Variants in SLK observed in about 807,000 individuals in gnomAD.
The protein encoded by SLK is STE20 like kinase, also known as STE20-like serine/threonine-protein kinase.
In SLK, 67 loss-of-function variants were observed where a neutral mutation model predicts 147.7. The ratio of observed to expected loss-of-function variants is 0.45; its 90% CI spans 0.37 to 0.56. SLK has a LOEUF of 0.56. Among genes scored for constraint, SLK ranks in the 20% least tolerant of loss-of-function variants. SLK has a pLI of 0.00. For synonymous variants in SLK, 441 were observed against 475.0 expected (o/e 0.93, Z 0.93); for missense variants, 1,136 against 1,438.8 (o/e 0.79, Z 3.41).
chr10:104,023,177 T>C (rs1844557153), intron 18 of SLK, among the ~76,000 whole-genome samples: 1 of 152,222 alleles, frequency 6.6e-6, no homozygotes, highest in Non-Finnish European at 1.5e-5. Context: ...CACCTGGCTT[T>C]TGTGACACAG....
Position 104,026,633 on chromosome 10 carries a change from T to C in SLK, c.*913T>C, listed in dbSNP as rs1370458508. The C allele has an allele frequency of 3.3e-5, 5 of 152,228 alleles. No homozygotes were observed. The East Asian group carries it at 9.6e-4, about 29-fold the overall frequency. 9.4% of individuals were successfully genotyped at this position (152,228 alleles called of 1,614,324 possible). On this transcript the variant is annotated 3_prime_UTR_variant, in exon 19 of 19. Coordinates refer to ENST00000369755, the MANE Select transcript of SLK (RefSeq NM_014720.4). ...ATACCTGAGCTGGTTAAATGATTTCTCTCCATCTTAGCTAATTCTGTTTAA... is the reference window on the plus strand; with the variant it reads ...ATACCTGAGCTGGTTAAATGATTTCCCTCCATCTTAGCTAATTCTGTTTAA...
At chr10:104,006,428 C>G (rs1044052773) in intron 11 of SLK, among the ~76,000 whole-genome samples, 7 of 152,268 alleles carry the variant, frequency 4.6e-5, no homozygotes, top group Admixed American at 3.9e-4. Flanking sequence ...TGCCTTCAAA[C>G]CTAGCTGAGC....
Position 103,967,729 on chromosome 10 carries a change from CTG to C in SLK, c.-13_-12del, listed in dbSNP as rs1843734974. ...TTTTAGTCCTTAAGTGCAAGGAACT[CTG>C]TGTTGGGAGGAAAAATGTCCTTCTT... is the stretch of plus-strand genomic sequence containing the variant. On this transcript the variant is annotated 5_prime_UTR_variant, in exon 1 of 19. Coordinates refer to ENST00000369755, the MANE Select transcript of SLK (RefSeq NM_014720.4). 1 of 1,613,392 alleles carries C rather than the reference CTG, an allele frequency of 6.2e-7. No individual in the cohort carries two copies. The highest frequency in any genetic ancestry group is 8.5e-7 in the Non-Finnish European group (1 of 1,179,442).
At chr10:103,971,267 GTT>G (rs869224217) in intron 1 of SLK, among the ~76,000 whole-genome samples, 1 of 117,478 alleles carries the variant, frequency 8.5e-6, no homozygotes. Context: ...TGTTGTTGTT[GTT>G]TTGTTTGTGT....
intron 13 of SLK, among the ~76,000 whole-genome samples, chr10:104,011,247 C>T (rs1844396163): frequency 6.6e-6 from 1 of 152,060 alleles, no homozygotes; most frequent in Non-Finnish European, 1.5e-5. Flanking sequence ...ACTTTTAGGA[C>T]ATAAAAATAG....
chr10:103,984,455 C>T (rs1843986909), intron 1 of SLK, among the ~76,000 whole-genome samples: 1 of 152,170 alleles, frequency 6.6e-6, no homozygotes, highest in African/African-American at 2.4e-5. Flanking sequence ...AGTCTGTCAA[C>T]CATGCTGGAG....
At chr10:104,007,060 T>C (rs1308013042) in intron 11 of SLK, among the ~76,000 whole-genome samples, 1 of 152,102 alleles carries the variant, frequency 6.6e-6, no homozygotes, top group Non-Finnish European at 1.5e-5. Context: ...TCTGTTCCAA[T>C]AGAATAAGGT....
chr10:103,997,890 A>G (rs1171773732), intron 4 of SLK, among the ~76,000 whole-genome samples: 1 of 152,116 alleles, frequency 6.6e-6, no homozygotes, highest in African/African-American at 2.4e-5. Context: ...ATTTGAATAT[A>G]GGGACATACT....
intron 9 of SLK, 121 bp from the exon 10 acceptor site, chr10:104,005,440 G>A (rs1844311879): frequency 2.5e-6 from 2 of 801,712 alleles, no homozygotes. Context: ...TCTATGTGTA[G>A]TCTGCATGGC....
At chr10:104,017,553 C>T (rs1844479556) in intron 13 of SLK, among the ~76,000 whole-genome samples, 1 of 152,170 alleles carries the variant, frequency 6.6e-6, no homozygotes, top group Non-Finnish European at 1.5e-5. Flanking sequence ...GATCTCAGCT[C>T]ACTGCCACCT....
intron 1 of SLK, among the ~76,000 whole-genome samples, chr10:103,981,013 A>G (rs1843934003): frequency 6.6e-6 from 1 of 152,156 alleles, no homozygotes; most frequent in Admixed American, 6.6e-5. Flanking sequence ...TTTTTAAAGT[A>G]ATAGTCATCC....
chr10:104,027,326 C>A lies in SLK; in HGVS notation c.*1606C>A, dbSNP rs1039652506. ...CAAGCATAATTTACTTGGACAACTTCGTAGGTAGCCTTAACTTCTGGCCAA... is the reference window on the plus strand; with the variant it reads ...CAAGCATAATTTACTTGGACAACTTAGTAGGTAGCCTTAACTTCTGGCCAA... On this transcript the variant is annotated 3_prime_UTR_variant, in exon 19 of 19. Transcript: ENST00000369755. 1 of 152,470 alleles carries A rather than the reference C, an allele frequency of 6.6e-6. No homozygotes were observed. The highest frequency in any genetic ancestry group is 1.5e-5 in the Non-Finnish European group (1 of 68,016). 9.4% of individuals were successfully genotyped at this position (152,470 alleles called of 1,614,324 possible).
chr10:103,994,379 C>T (rs1844138707), intron 4 of SLK, among the ~76,000 whole-genome samples: 1 of 152,138 alleles, frequency 6.6e-6, no homozygotes, highest in Non-Finnish European at 1.5e-5. Flanking sequence ...ATATTATTTC[C>T]TTCCTTGTGT....
chr10:103,967,230 C>G lies in SLK; in HGVS notation c.-516C>G, dbSNP rs1235144231. On this transcript the variant is annotated 5_prime_UTR_variant, in exon 1 of 19. Transcript: ENST00000369755. Reference sequence around the variant, plus strand: ...CGGCGGCGCCCCAGACCCGAGGGGACGCGCGGGCCTTGCGCCGCGGGAGCG... The same window carrying G: ...CGGCGGCGCCCCAGACCCGAGGGGAGGCGCGGGCCTTGCGCCGCGGGAGCG... 2 of 151,822 alleles carry G rather than the reference C, an allele frequency of 1.3e-5. No individual in the cohort carries two copies. The highest frequency in any genetic ancestry group is 2.4e-5 in the African/African-American group (1 of 41,290). 9.4% of individuals were successfully genotyped at this position (151,822 alleles called of 1,614,324 possible).
chr10:103,983,580 A>T (rs1246123721), intron 1 of SLK, among the ~76,000 whole-genome samples: 1 of 152,066 alleles, frequency 6.6e-6, no homozygotes, highest in East Asian at 1.9e-4. Flanking sequence ...GGCTGCAAGG[A>T]GAAGGAGGAA....
intron 3 of SLK, 27 bp from the exon 4 acceptor site, chr10:103,992,956 GA>G (rs1177787731): frequency 6.5e-7 from 1 of 1,538,244 alleles, no homozygotes; most frequent in South Asian, 1.2e-5. Flanking sequence ...ATAAAAAGCA[GA>G]TTTTTTTTTT....
intron 1 of SLK, among the ~76,000 whole-genome samples, chr10:103,972,469 G>A (rs985742681): frequency 1.4e-4 from 22 of 152,108 alleles, no homozygotes; most frequent in Non-Finnish European, 2.6e-4. Context: ...TCAGGAGATC[G>A]AGACCATCCT....
rs1844262440 is a variant in SLK at position 104,002,432 on chromosome 10, A to T, written c.1254A>T (p.Val418=). 1 of 1,613,944 alleles carries T rather than the reference A, an allele frequency of 6.2e-7. No individual in the cohort carries two copies. Among genetic ancestry groups the T allele is most frequent in the African/African-American group, 1.3e-5 (1 of 74,942 alleles). ...CTGAACTCCATGACAGAACAGCAGT[A>T]ATCAAGGAGAATGAAAGAGAGAAGA... ...AMTELHDRTA[V]IKENEREKRP... is the part of the protein sequence containing the mutation. Residue 418 remains valine (V), a synonymous_variant, in exon 9 of 19, where the codon GTA becomes GTT. Transcript: ENST00000369755.
chr10:103,968,453 T>G (rs950390294), intron 1 of SLK, among the ~76,000 whole-genome samples: 3 of 152,192 alleles, frequency 2.0e-5, no homozygotes, highest in Non-Finnish European at 4.4e-5. Context: ...CAAAAAACCT[T>G]CATGTGGTAC....
Sources: gnomAD v4.1 joint callset for allele counts (sites outside exome capture counted in the v4.1 genomes callset) on GRCh38, gnomAD v4.1.1 for gene constraint, MANE v1.5 for transcripts, NCBI Gene and HGNC (gene_info 2026-07-23, HGNC 2026-07-21) for gene names.